RAX2: variants seen among roughly 807,000 people sequenced by gnomAD.
RAX2 encodes retina and anterior neural fold homeobox 2.
RAX2 carries 4 observed loss-of-function variants against 5.8 expected under a neutral mutation model. The ratio of observed to expected loss-of-function variants is 0.69; its 90% CI spans 0.34 to 1.58. The LOEUF is 1.58. Ranked by LOEUF, RAX2 falls within the 40% of genes most tolerant of loss-of-function variation. The pLI is 0.05. For synonymous variants in RAX2, 133 were observed against 128.8 expected, an observed-to-expected ratio of 1.03 and a Z score of -0.22; for missense variants, 275 against 271.4, an observed-to-expected ratio of 1.01 and a Z score of -0.09.
In RAX2 at chr19:3,772,026, T is replaced by C. The variant is rs2037270836; in HGVS notation, c.-268-16A>G. 1.7e-5 allele frequency: 7 copies of C among 413,976 alleles called. No homozygotes were observed. The highest frequency in any genetic ancestry group is 6.4e-5 in the African/African-American group (2 of 31,124). The allele number at this position is 413,976 out of a possible 1,614,324, so 25.6% of individuals were successfully genotyped here. A position where few individuals can be genotyped will look rare whatever the true frequency, so the allele number is the denominator to read the frequency against. On this transcript the variant is annotated splice_polypyrimidine_tract_variant and intron_variant, in intron 1 of 2. Transcript: ENST00000555633. ...CTGTCACGGCCTGTGTGTGTGTGTG[T>C]CGGCGGGGGGGGGTCAAGGATGCCC...
chr19:3,770,453 A>G lies in RAX2; in HGVS notation c.*168T>C. The stretch of plus-strand genomic sequence containing the variant: ...ATGGGGTGGGAGACGGGATGGGGGC[A>G]GGGAACCCAGCAGCCTGTCTCTCTG... On this transcript the variant is annotated 3_prime_UTR_variant, in exon 3 of 3. Transcript: ENST00000555633. The G allele has an allele frequency of 1.7e-6, 1 of 601,400 alleles. No individual in the cohort carries two copies. Among genetic ancestry groups the G allele is most frequent in the South Asian group, 2.1e-5 (1 of 47,762 alleles). 37.3% of individuals were successfully genotyped at this position (601,400 alleles called of 1,614,324 possible).
Position 3,770,898 on chromosome 19 carries a change from C to G in RAX2, c.278G>C (p.Gly93Ala), listed in dbSNP as rs1262130971. Reference protein sequence around the residue: ...RRQERLESGSGAVAAPRLPEA... With the variant: ...RRQERLESGSAAVAAPRLPEA... ...GGGGAGTCTCGGAGCTGCCACGGCA[C>G]CCGAGCCTGACTCCAGCCGCTCCTG... is the stretch of plus-strand genomic sequence containing the variant. Residue 93 changes from glycine (G) to alanine (A), a missense_variant, in exon 3 of 3, where the codon GGT (glycine) becomes GCT (alanine). By Grantham distance (60) the Gly-to-Ala change is moderately conservative (BLOSUM62 0). Coordinates refer to ENST00000555633, the MANE Select transcript of RAX2 (RefSeq NM_001319074.4). 1 of 1,546,544 alleles carries G rather than the reference C, an allele frequency of 6.5e-7. No individual in the cohort carries two copies. Among genetic ancestry groups the G allele is most frequent in the Non-Finnish European group, 8.7e-7 (1 of 1,153,286 alleles).
rs752883776 is a variant in RAX2 at position 3,770,917 on chromosome 19, G to C, written c.259C>G (p.Arg87Gly). 2 of 1,557,710 alleles carry C rather than the reference G, an allele frequency of 1.3e-6. No individual in the cohort carries two copies. Among genetic ancestry groups the C allele is most frequent in the Non-Finnish European group, 1.7e-6 (2 of 1,159,162 alleles). The change falls in exon 3 of 3, where the codon CGG (arginine) becomes GGG (glycine). Residue 87 changes from arginine (R) to glycine (G), a missense_variant. Arg to Gly is a moderately radical substitution (Grantham distance 125). Coordinates refer to ENST00000555633, the MANE Select transcript of RAX2 (RefSeq NM_001319074.4). ...NRRAKWRRQE[R>G]LESGSGAVAA... is the part of the protein sequence containing the mutation. ...ACGGCACCCGAGCCTGACTCCAGCC[G>C]CTCCTGGCGGCGCCACTTGGCCCGG...
At position 3,771,082 on chromosome 19, in the gene RAX2, G is replaced by T; in HGVS notation, c.217-123C>A. On this transcript the variant is annotated intron_variant, in intron 2 of 2. Coordinates refer to ENST00000555633, the MANE Select transcript of RAX2 (RefSeq NM_001319074.4). This position sits in a 1 kb window ranked among gnomAD's most constrained non-coding sequence, Gnocchi z 4.2. ...CTCCCGTCTGACCCGACTCCTACCTGCTGCTTCGCTGTTCTGCCCCAAGAA... is the reference window on the plus strand; with the variant it reads ...CTCCCGTCTGACCCGACTCCTACCTTCTGCTTCGCTGTTCTGCCCCAAGAA... 1.4e-6 allele frequency: 1 copy of T among 729,070 alleles called. No individual in the cohort carries two copies. Among genetic ancestry groups the T allele is most frequent in the Non-Finnish European group, 2.3e-6 (1 of 431,258 alleles). 45.2% of individuals were successfully genotyped at this position (729,070 alleles called of 1,614,324 possible). A position where few individuals can be genotyped will look rare whatever the true frequency, so the allele number is the denominator to read the frequency against.
chr19:3,771,695 C>T lies in RAX2; in HGVS notation c.48G>A (p.Leu16=). 6.2e-7 allele frequency: 1 copy of T among 1,611,912 alleles called. No individual in the cohort carries two copies. Among genetic ancestry groups the T allele is most frequent in the Non-Finnish European group, 8.5e-7 (1 of 1,179,810 alleles). Reference sequence around the variant, plus strand: ...TCTTGGGGGCCTCCTCGCCCGGCCCCAGACCCCCACCCTCGGTTGCCGGCC... The same window carrying T: ...TCTTGGGGGCCTCCTCGCCCGGCCCTAGACCCCCACCCTCGGTTGCCGGCC... ...GEGPATEGGG[L]GPGEEAPKKK... Residue 16 remains leucine, a synonymous_variant, in exon 2 of 3, where the codon CTG becomes CTA. Coordinates refer to ENST00000555633, the MANE Select transcript of RAX2 (RefSeq NM_001319074.4). This position sits in a 1 kb window ranked among gnomAD's most constrained non-coding sequence, Gnocchi z 4.2.
Position 3,771,022 on chromosome 19 carries a change from A to ACCCCCTCTGCACACCCCAGC in RAX2, c.217-83_217-64dup. On this transcript the variant is annotated intron_variant, in intron 2 of 2. Transcript: ENST00000555633. The surrounding 1 kb of genome is among the most constrained non-coding windows in gnomAD (Gnocchi z 4.2). ...TCAGCCGCTCCCCGCCAATCCTCGGACCCCCTCTGCACACCCCAGCCCTGG... is the reference window on the plus strand; with the variant it reads ...TCAGCCGCTCCCCGCCAATCCTCGGACCCCCTCTGCACACCCCAGCCCCCCTCTGCACACCCCAGCCCTGG... 5 of 1,324,206 alleles carry ACCCCCTCTGCACACCCCAGC rather than the reference A, an allele frequency of 3.8e-6. No individual in the cohort carries two copies. The highest frequency in any genetic ancestry group is 4.2e-6 in the Non-Finnish European group (4 of 956,906). 82.0% of individuals were successfully genotyped at this position (1,324,206 alleles called of 1,614,324 possible).
intron 1 of RAX2, 29 bp from the exon 2 acceptor site, chr19:3,772,039 G>C: frequency 2.0e-6 from 1 of 503,682 alleles, no homozygotes; most frequent in East Asian, 3.7e-5. Flanking sequence ...GCGGGGGGGG[G>C]TCAAGGATGC....
chr19:3,771,541 CAGGTAGGTGCACCTT>C lies in RAX2; in HGVS notation c.187_201del (p.Lys63_Pro67del). On this transcript the variant is annotated inframe_deletion, in exon 2 of 3. Transcript: ENST00000555633. This position sits in a 1 kb window ranked among gnomAD's most constrained non-coding sequence, Gnocchi z 4.2. ...GGTGCCCTCACCTGCACGCGCACCT[CAGGTAGGTGCACCTT>C]GGCTGCCAGCTCCTCACGGCTGTAC... 1 of 1,603,546 alleles carries C rather than the reference CAGGTAGGTGCACCTT, an allele frequency of 6.2e-7. No individual in the cohort carries two copies. Among genetic ancestry groups the C allele is most frequent in the Non-Finnish European group, 8.5e-7 (1 of 1,175,526 alleles).
rs868847072 is a variant in RAX2, at chr19:3,772,030, C to T, written c.-268-20G>A. 4 of 384,608 alleles carry T rather than the reference C, an allele frequency of 1.0e-5. No individual in the cohort carries two copies. Among genetic ancestry groups the T allele is most frequent in the East Asian group, 4.7e-5 (1 of 21,350 alleles). 23.8% of individuals were successfully genotyped at this position (384,608 alleles called of 1,614,324 possible). On this transcript the variant is annotated intron_variant, in intron 1 of 2. Transcript: ENST00000555633. ...CACGGCCTGTGTGTGTGTGTGTCGG[C>T]GGGGGGGGGTCAAGGATGCCCCCCC...
rs752094189 is a variant in RAX2 at position 3,771,627 on chromosome 19, A to G, written c.116T>C (p.Leu39Pro). 2.2e-5 allele frequency: 35 copies of G among 1,613,352 alleles called. No homozygotes were observed. The highest frequency in any genetic ancestry group is 2.6e-5 in the Non-Finnish European group (31 of 1,179,890). ...RNRTTFTTYQLHQLERAFEAS... is the reference protein window; with the variant it reads ...RNRTTFTTYQPHQLERAFEAS... ...CTCGAACGCCCGCTCCAGCTGGTGC[A>G]GCTGGTAGGTGGTGAAGGTGGTGCG... The change falls in exon 2 of 3, where the codon CTG becomes CCG. Residue 39 changes from leucine to proline, a missense_variant. By Grantham distance (98) the Leu-to-Pro change is moderately conservative. Coordinates refer to ENST00000555633, the MANE Select transcript of RAX2 (RefSeq NM_001319074.4). The surrounding 1 kb of genome is among the most constrained non-coding windows in gnomAD (Gnocchi z 4.2).
In RAX2 at chr19:3,770,605, C is replaced by G; in HGVS notation, c.*16G>C. On this transcript the variant is annotated 3_prime_UTR_variant, in exon 3 of 3. Transcript: ENST00000555633. Reference sequence around the variant, plus strand: ...CTCGGGTTGGGCCGAGGAGGGGGCCCGGGAGGGCGGCAGGCTCAGGCTGGC... The same window carrying G: ...CTCGGGTTGGGCCGAGGAGGGGGCCGGGGAGGGCGGCAGGCTCAGGCTGGC... 6.5e-7 allele frequency: 1 copy of G among 1,530,188 alleles called. No individual in the cohort carries two copies. The highest frequency in any genetic ancestry group is 8.7e-7 in the Non-Finnish European group (1 of 1,144,332). The allele number at this position is 1,530,188 out of a possible 1,614,324, so 94.8% of individuals were successfully genotyped here.
rs1296957165 is a variant in RAX2 at position 3,772,023 on chromosome 19, G to A, written c.-268-13C>T. On this transcript the variant is annotated splice_polypyrimidine_tract_variant and intron_variant, in intron 1 of 2. Coordinates refer to ENST00000555633, the MANE Select transcript of RAX2 (RefSeq NM_001319074.4). Reference sequence around the variant, plus strand: ...TGACTGTCACGGCCTGTGTGTGTGTGTGTCGGCGGGGGGGGGTCAAGGATG... The same window carrying A: ...TGACTGTCACGGCCTGTGTGTGTGTATGTCGGCGGGGGGGGGTCAAGGATG... 8 of 522,116 alleles carry A rather than the reference G, an allele frequency of 1.5e-5. No individual in the cohort carries two copies. Among genetic ancestry groups the A allele is most frequent in the Non-Finnish European group, 2.4e-5 (7 of 290,414 alleles). 32.3% of individuals were successfully genotyped at this position (522,116 alleles called of 1,614,324 possible).
Position 3,771,989 on chromosome 19 carries a change from C to A in RAX2, c.-247G>T. 1 of 653,332 alleles carries A rather than the reference C, an allele frequency of 1.5e-6. No homozygotes were observed. The highest frequency in any genetic ancestry group is 2.6e-6 in the Non-Finnish European group (1 of 387,652). 40.5% of individuals were successfully genotyped at this position (653,332 alleles called of 1,614,324 possible). The stretch of plus-strand genomic sequence containing the variant: ...GTGTCACCGTCCCTGTTTTCTCTTC[C>A]CCTCTCTGTGACTGTCACGGCCTGT... On this transcript the variant is annotated 5_prime_UTR_variant, in exon 2 of 3. Transcript: ENST00000555633. This position sits in a 1 kb window ranked among gnomAD's most constrained non-coding sequence, Gnocchi z 4.2.
Position 3,770,602 on chromosome 19 carries a change from G to T in RAX2, c.*19C>A, listed in dbSNP as rs1391595572. The stretch of plus-strand genomic sequence containing the variant: ...GTTCTCGGGTTGGGCCGAGGAGGGG[G>T]CCCGGGAGGGCGGCAGGCTCAGGCT... On this transcript the variant is annotated 3_prime_UTR_variant, in exon 3 of 3. Coordinates refer to ENST00000555633, the MANE Select transcript of RAX2 (RefSeq NM_001319074.4). The T allele has an allele frequency of 2.6e-6, 4 of 1,529,038 alleles. No homozygotes were observed. The highest frequency in any genetic ancestry group is 1.2e-5 in the South Asian group (1 of 83,808). 94.7% of individuals were successfully genotyped at this position (1,529,038 alleles called of 1,614,324 possible). A position where few individuals can be genotyped will look rare whatever the true frequency, so the allele number is the denominator to read the frequency against.
rs1221398072 is a variant in RAX2 at position 3,771,125 on chromosome 19, C to T, written c.217-166G>A. On this transcript the variant is annotated intron_variant, in intron 2 of 2. Coordinates refer to ENST00000555633, the MANE Select transcript of RAX2 (RefSeq NM_001319074.4). The surrounding 1 kb of genome is among the most constrained non-coding windows in gnomAD (Gnocchi z 4.2). ...CCCAAGAAGATGAGGATCTCCCAAG[C>T]GTTCCCTAAGCCCAGGCTCCCCTCC... Among the ~76,000 whole-genome samples, 1 of 151,660 alleles carries T rather than the reference C, an allele frequency of 6.6e-6. No homozygotes were observed. The highest frequency in any genetic ancestry group is 2.4e-5 in the African/African-American group (1 of 41,320).
In RAX2 at chr19:3,770,856, G is replaced by T. The variant is rs774846243; in HGVS notation, c.320C>A (p.Pro107Gln). ...APRLPEAPAL[P>Q]FARPPAMSLP... ...CGACATGGCCGGGGGGCGGGCGAAC[G>T]GCAGCGCTGGGGCCTCGGGGAGTCT... The change falls in exon 3 of 3, where the codon CCG becomes CAG. Residue 107 changes from proline to glutamine, a missense_variant. Coordinates refer to ENST00000555633, the MANE Select transcript of RAX2 (RefSeq NM_001319074.4). 4.6e-6 allele frequency: 7 copies of T among 1,530,706 alleles called. No homozygotes were observed. The highest frequency in any genetic ancestry group is 6.1e-6 in the Non-Finnish European group (7 of 1,144,412). 94.8% of individuals were successfully genotyped at this position (1,530,706 alleles called of 1,614,324 possible). A position where few individuals can be genotyped will look rare whatever the true frequency, so the allele number is the denominator to read the frequency against.
chr19:3,771,544 G>A lies in RAX2; in HGVS notation c.199C>T (p.Pro67Ser). 1.9e-6 allele frequency: 3 copies of A among 1,604,804 alleles called. No homozygotes were observed. Among genetic ancestry groups the A allele is most frequent in the Non-Finnish European group, 2.6e-6 (3 of 1,176,128 alleles). Residue 67 changes from proline (P) to serine (S), a missense_variant, in exon 2 of 3, where the codon CCT (proline) becomes TCT (serine). Transcript: ENST00000555633. The surrounding 1 kb of genome is among the most constrained non-coding windows in gnomAD (Gnocchi z 4.2). ...REELAAKVHL[P>S]EVRVQVWFQN... ...GCCCTCACCTGCACGCGCACCTCAGGTAGGTGCACCTTGGCTGCCAGCTCC... is the reference window on the plus strand; with the variant it reads ...GCCCTCACCTGCACGCGCACCTCAGATAGGTGCACCTTGGCTGCCAGCTCC...
chr19:3,771,316 T>C lies in RAX2; in HGVS notation c.216+211A>G, dbSNP rs143295369. On this transcript the variant is annotated intron_variant, in intron 2 of 2. Transcript: ENST00000555633. This position sits in a 1 kb window ranked among gnomAD's most constrained non-coding sequence, Gnocchi z 4.2. Reference sequence around the variant, plus strand: ...CCTCCAACTTAACCCCTCCATGTCTTTGCACACACTGTTCAGGATGCCTAG... The same window carrying C: ...CCTCCAACTTAACCCCTCCATGTCTCTGCACACACTGTTCAGGATGCCTAG... Among the ~76,000 whole-genome samples, 479 of 152,232 alleles carry C rather than the reference T, an allele frequency of 3.1e-3. 2 individuals are homozygous for C. The highest frequency in any genetic ancestry group is 0.011 in the African/African-American group (463 of 41,532).
At chr19:3,770,999 A>C in intron 2 of RAX2, 40 bp from the exon 3 acceptor site, 6 of 1,466,416 alleles carry the variant, frequency 4.1e-6, no homozygotes, top group Non-Finnish European at 4.6e-6. Flanking sequence ...CTGTGAGCTC[A>C]GCCGCTCCCC....
Sources: allele counts gnomAD v4.1 joint callset (sites outside exome capture counted in the v4.1 genomes callset), GRCh38; gene constraint gnomAD v4.1.1; non-coding constraint Gnocchi (gnomAD v3.1); transcripts MANE v1.5; gene names NCBI Gene and HGNC (gene_info 2026-07-23, HGNC 2026-07-21).